Variants in FAM228B observed in about 807,000 individuals in gnomAD.
FAM228B encodes family with sequence similarity 228 member B.
A neutral mutation model predicts 42.6 loss-of-function variants in FAM228B; 38 were observed. The ratio of observed to expected loss-of-function variants is 0.89; its 90% CI spans 0.69 to 1.17. The LOEUF is 1.17. Among genes scored for constraint, FAM228B ranks in the 50% most tolerant of loss-of-function variants. The pLI is 0.00. For missense variants in FAM228B, 344 were observed against 367.3 expected, an observed-to-expected ratio of 0.94 and a Z score of 0.52; for synonymous variants, 109 against 122.3, an observed-to-expected ratio of 0.89 and a Z score of 0.72.
chr2:24,092,218 C>CAAAAAAA (rs34189159), intron 2 of FAM228B, among the ~76,000 whole-genome samples: 1 of 29,986 alleles, frequency 3.3e-5, no homozygotes. Context: ...GACTCTGTCT[C>CAAAAAAA]AAAAAAAAAA....
At chr2:24,133,289 C>T (rs1302961360) in intron 2 of FAM228B, among the ~76,000 whole-genome samples, 1 of 148,972 alleles carries the variant, frequency 6.7e-6, no homozygotes, top group Non-Finnish European at 1.5e-5. Flanking sequence ...AATGTTAATT[C>T]ACTACCCCCT....
At chr2:24,144,961 G>T (rs1353815142) in intron 5 of FAM228B, among the ~76,000 whole-genome samples, 1 of 152,166 alleles carries the variant, frequency 6.6e-6, no homozygotes, top group Non-Finnish European at 1.5e-5. Context: ...TCCTGCACGC[G>T]CCAACTGGTG....
intron 7 of FAM228B, among the ~76,000 whole-genome samples, chr2:24,157,750 A>C (rs1667182061): frequency 2.3e-5 from 1 of 43,274 alleles, no homozygotes; most frequent in Non-Finnish European, 1.1e-4. Context: ...AAAAAAAAAA[A>C]ATTAATATCC....
intron 2 of FAM228B, among the ~76,000 whole-genome samples, chr2:24,093,540 C>T (rs1382892278): frequency 2.0e-5 from 3 of 152,074 alleles, no homozygotes; most frequent in Non-Finnish European, 2.9e-5. Context: ...TTTTCTTTAT[C>T]CACTCTATCA....
intron 5 of FAM228B, 89 bp downstream of exon 5, chr2:24,139,539 C>T (rs1666698499): frequency 6.4e-6 from 4 of 623,966 alleles, no homozygotes; most frequent in South Asian, 2.5e-5. Context: ...TAAGCGATTC[C>T]CTAAAAGTGC....
chr2:24,153,010 G>A (rs536978638), intron 7 of FAM228B, among the ~76,000 whole-genome samples: 36 of 152,232 alleles, frequency 2.4e-4, no homozygotes, highest in Admixed American at 1.8e-3. Flanking sequence ...GGTCACCACC[G>A]ATGTTTACTT....
chr2:24,132,193 G>A (rs749915947), intron 2 of FAM228B, among the ~76,000 whole-genome samples: 1 of 152,194 alleles, frequency 6.6e-6, no homozygotes, highest in Middle Eastern at 3.2e-3. Flanking sequence ...CTTGATGGTG[G>A]TGGATAAGCT....
chr2:24,104,175 G>C (rs1665662144), intron 3 of FAM228B, among the ~76,000 whole-genome samples: 2 of 152,212 alleles, frequency 1.3e-5, no homozygotes. Context: ...TCCAGCACAG[G>C]ACAGGGTGAG....
intron 7 of FAM228B, among the ~76,000 whole-genome samples, chr2:24,152,269 A>G (rs1487316508): frequency 6.6e-6 from 1 of 152,232 alleles, no homozygotes; most frequent in Non-Finnish European, 1.5e-5. Context: ...TCTTCAGAAT[A>G]GCTATTTTGA....
chr2:24,107,938 A>G (rs192812052), intron 3 of FAM228B, among the ~76,000 whole-genome samples: 4 of 152,344 alleles, frequency 2.6e-5, no homozygotes, highest in African/African-American at 7.2e-5. Context: ...GCTGAACTAA[A>G]GGAAATTGAG....
chr2:24,138,217 C>A, intron 4 of FAM228B, 117 bp downstream of exon 4: 1 of 713,886 alleles, frequency 1.4e-6, no homozygotes. Flanking sequence ...ATCATCTATA[C>A]CCTGTTACAT....
chr2:24,167,870 G>A, intron 10 of FAM228B, 187 bp downstream of exon 10: 1 of 622,896 alleles, frequency 1.6e-6, no homozygotes, highest in East Asian at 3.2e-5. Context: ...TCTGGGCTTG[G>A]CAGGGGTTTG....
chr2:24,154,158 G>C (rs116638898), intron 7 of FAM228B, among the ~76,000 whole-genome samples: 4,512 of 152,310 alleles, frequency 0.03, 87 homozygotes, highest in African/African-American at 0.058. Flanking sequence ...AAGTTAAAAC[G>C]AGGTACTGTG....
chr2:24,122,564 A>C (rs774987146), upstream of FAM228B: 3 of 1,492,336 alleles, frequency 2.0e-6, no homozygotes, highest in East Asian at 4.5e-5. Flanking sequence ...GGGAAAGTGC[A>C]GTTGAAGCCA....
At chr2:24,119,180 C>T (rs1386340392), upstream of FAM228B, among the ~76,000 whole-genome samples, 1 of 152,140 alleles carries the variant, frequency 6.6e-6, no homozygotes, top group Non-Finnish European at 1.5e-5. Flanking sequence ...TGTCTCCCCC[C>T]TCCCCTATCC....
intron 3 of FAM228B, among the ~76,000 whole-genome samples, chr2:24,099,885 T>G (rs1665572240): frequency 6.6e-6 from 1 of 152,198 alleles, no homozygotes; most frequent in East Asian, 1.9e-4. Flanking sequence ...AAGGCTACAG[T>G]AACCAAAACA....
chr2:24,156,771 TCCGCC>T (rs372649292), intron 7 of FAM228B, among the ~76,000 whole-genome samples: 2,020 of 132,720 alleles, frequency 0.015, 83 homozygotes, highest in African/African-American at 0.04. Context: ...TACATTTCTT[TCCGCC>T]CCCCCCCCCC....
At chr2:24,122,177 C>T (rs996017714), upstream of FAM228B, among the ~76,000 whole-genome samples, 5 of 151,996 alleles carry the variant, frequency 3.3e-5, no homozygotes, top group Non-Finnish European at 7.4e-5. Context: ...ACTAAAAATA[C>T]AAAAATTAGC....
At chr2:24,122,355 A>AT, upstream of FAM228B, 1 of 1,239,050 alleles carries the variant, frequency 8.1e-7, no homozygotes, top group Non-Finnish European at 1.2e-6. Flanking sequence ...TGTCTGCTTC[A>AT]TTTTTTGGAA....
Sources: allele counts gnomAD v4.1 joint callset (sites outside exome capture counted in the v4.1 genomes callset), GRCh38; gene constraint gnomAD v4.1.1; transcripts MANE v1.5; gene names NCBI Gene and HGNC (gene_info 2026-07-23, HGNC 2026-07-21).